Variants in TRANK1 observed in about 807,000 individuals in gnomAD.
TRANK1 encodes tetratricopeptide repeat and ankyrin repeat containing 1.
A neutral mutation model predicts 266.0 loss-of-function variants in TRANK1; 198 were observed. That is an observed-to-expected ratio of 0.74 (90% confidence interval 0.66 to 0.84). The LOEUF is 0.84. Among genes scored for constraint, TRANK1 ranks in the 40% least tolerant of loss-of-function variants. The pLI, the probability that TRANK1 is intolerant of heterozygous loss-of-function variation, is 0.00. For missense variants in TRANK1, 3,326 were observed against 3,634.6 expected, an observed-to-expected ratio of 0.92 and a Z score of 2.18; for synonymous variants, 1,396 against 1,384.1, an observed-to-expected ratio of 1.01 and a Z score of -0.19.
chr3:36,918,120 AG>A (rs1204035602), intron 1 of TRANK1, among the ~76,000 whole-genome samples: 5 of 152,222 alleles, frequency 3.3e-5, no homozygotes, highest in African/African-American at 9.6e-5. Flanking sequence ...ATGAACCTTC[AG>A]GGCATCATGC....
At position 36,832,561 on chromosome 3, in the gene TRANK1, G is replaced by A. The variant is rs759871827; in HGVS notation, c.7022C>T (p.Ser2341Phe). ...CTTTTCAAACTCCTCCGGGTAGTTG[G>A]AAGAGAGAAGGAAAGCTTGCATGGC... ...LSAMQAFLLSSNYPEEFEKLL... is the reference protein window; with the variant it reads ...LSAMQAFLLSFNYPEEFEKLL... Residue 2341 changes from serine (S) to phenylalanine (F), a missense_variant, in exon 22 of 24, where the codon TCC becomes TTC. Ser to Phe is a radical substitution (Grantham distance 155). Coordinates refer to ENST00000645898, the MANE Select transcript of TRANK1 (RefSeq NM_001329998.2). The A allele has an allele frequency of 2.5e-6, 4 of 1,613,902 alleles. No homozygotes were observed. The African/African-American group carries it at 5.3e-5, about 22-fold the overall frequency.
Position 36,892,994 on chromosome 3 carries a change from G to C in TRANK1, c.553-10C>G, listed in dbSNP as rs1370228938. On this transcript the variant is annotated splice_polypyrimidine_tract_variant and intron_variant, in intron 5 of 23. Transcript: ENST00000645898. ...ACAGAAGCAGAAATGACTGGTGGGA[G>C]AAGACAGAAAAGGCTGGAATAATAA... The C allele has an allele frequency of 1.4e-6, 2 of 1,477,058 alleles. No homozygotes were observed. Among genetic ancestry groups the C allele is most frequent in the Non-Finnish European group, 8.9e-7 (1 of 1,119,172 alleles). 91.5% of individuals were successfully genotyped at this position (1,477,058 alleles called of 1,614,324 possible).
chr3:36,852,449 C>T (rs1575203019), intron 13 of TRANK1, 104 bp from the exon 14 acceptor site: 1 of 1,086,166 alleles, frequency 9.2e-7, no homozygotes, highest in East Asian at 2.6e-5. Flanking sequence ...AGGTTTGGCC[C>T]CTACAGTATG....
intron 8 of TRANK1, among the ~76,000 whole-genome samples, chr3:36,883,546 A>G (rs962377744): frequency 8.1e-5 from 12 of 148,186 alleles, no homozygotes; most frequent in Admixed American, 2.0e-4. Context: ...AAAAAAAAAA[A>G]GGGAGCTATA....
rs1267365907 is a variant in TRANK1 at position 36,918,607 on chromosome 3, GA to G, written c.24-10154del. Among the ~76,000 whole-genome samples, 32 of 105,822 alleles carry G rather than the reference GA, an allele frequency of 3.0e-4. 1 individual carries two copies. Among genetic ancestry groups the G allele is most frequent in the African/African-American group, 8.5e-4 (23 of 27,216 alleles). The allele number at this position is 105,822 out of a possible 152,430, so 69.4% of individuals were successfully genotyped here. ...GGAAGGAAGGAAGGAAGGAAGGAAGGAAAGAAAGAAAGAAAGAAAGAAAGAA... is the reference window on the plus strand; with the variant it reads ...GGAAGGAAGGAAGGAAGGAAGGAAGGAAGAAAGAAAGAAAGAAAGAAAGAA... On this transcript the variant is annotated intron_variant, in intron 1 of 23. Transcript: ENST00000645898.
At chr3:36,892,837 CAAAACAAAACAAAACAT>C in intron 6 of TRANK1, 47 bp downstream of exon 6, 2 of 694,796 alleles carry the variant, frequency 2.9e-6, no homozygotes, top group Non-Finnish European at 3.7e-6. Flanking sequence ...CAAAACAAAA[CAAAACAAAACAAAACAT>C]ATATATATAT....
intron 8 of TRANK1, among the ~76,000 whole-genome samples, chr3:36,879,763 T>TATACAA (rs1559448593): frequency 1.6e-4 from 11 of 66,820 alleles, no homozygotes; most frequent in Non-Finnish European, 2.4e-4. Flanking sequence ...TATATATAAA[T>TATACAA]ATATATAAAT....
At chr3:36,913,584 TA>T (rs1034977913) in intron 1 of TRANK1, among the ~76,000 whole-genome samples, 3 of 152,106 alleles carry the variant, frequency 2.0e-5, no homozygotes, top group African/African-American at 7.2e-5. Flanking sequence ...CAGTCAAGGA[TA>T]AAAATCCAAA....
intron 8 of TRANK1, among the ~76,000 whole-genome samples, chr3:36,884,670 C>T (rs758859131): frequency 6.6e-6 from 1 of 152,142 alleles, no homozygotes; most frequent in Non-Finnish European, 1.5e-5. Context: ...TAGTGGCTCA[C>T]GCCTGTGATC....
chr3:36,833,088 T>C lies in TRANK1; in HGVS notation c.6495A>G (p.Lys2165=). Residue 2165 remains lysine (K), a synonymous_variant, in exon 22 of 24, where the codon AAA becomes AAG. Coordinates refer to ENST00000645898, the MANE Select transcript of TRANK1 (RefSeq NM_001329998.2). ...CCAAAAGGTGTTTGTTTAGGGCTAA[T>C]TTCACTTGGTCAGTCATTATCAAAA... is the stretch of plus-strand genomic sequence containing the variant. The part of the protein sequence containing the change: ...DHFLIMTDQV[K]LALNKHLLGR... 1 of 1,612,800 alleles carries C rather than the reference T, an allele frequency of 6.2e-7. No individual in the cohort carries two copies. Among genetic ancestry groups the C allele is most frequent in the Non-Finnish European group, 8.5e-7 (1 of 1,179,280 alleles).
intron 6 of TRANK1, 65 bp from the exon 7 acceptor site, chr3:36,892,405 C>T: frequency 6.6e-7 from 1 of 1,516,830 alleles, no homozygotes; most frequent in South Asian, 1.2e-5. Context: ...CTTCAAACTC[C>T]TTTACCCATA....
intron 12 of TRANK1, 117 bp downstream of exon 12, chr3:36,858,601 A>C (rs2079091419): frequency 1.6e-6 from 2 of 1,250,600 alleles, no homozygotes; most frequent in African/African-American, 3.0e-5. Flanking sequence ...CTGGCCAAGA[A>C]ATGGGCCTTT....
chr3:36,928,614 C>T (rs2080320770), intron 1 of TRANK1, among the ~76,000 whole-genome samples: 1 of 148,010 alleles, frequency 6.8e-6, no homozygotes, highest in Non-Finnish European at 1.5e-5. Flanking sequence ...TAACTTGTAT[C>T]TCTGTGACCT....
At chr3:36,903,920 T>C (rs150490171) in intron 2 of TRANK1, among the ~76,000 whole-genome samples, 37 of 152,324 alleles carry the variant, frequency 2.4e-4, no homozygotes, top group African/African-American at 7.7e-4. Flanking sequence ...CAATGGAATA[T>C]AAGACACACA....
At chr3:36,877,693 T>C (rs1289335153) in intron 8 of TRANK1, among the ~76,000 whole-genome samples, 1 of 152,220 alleles carries the variant, frequency 6.6e-6, no homozygotes, top group East Asian at 1.9e-4. Context: ...TACATTTATA[T>C]TTAAAAGGGA....
intron 15 of TRANK1, among the ~76,000 whole-genome samples, chr3:36,848,294 T>C (rs977427436): frequency 1.3e-5 from 2 of 152,146 alleles, no homozygotes; most frequent in African/African-American, 4.8e-5. Flanking sequence ...CATTTAAAAA[T>C]GTGAAAATCC....
At chr3:36,839,943 G>A (rs2078820932) in intron 18 of TRANK1, among the ~76,000 whole-genome samples, 2 of 152,200 alleles carry the variant, frequency 1.3e-5, no homozygotes, top group Admixed American at 1.3e-4. Flanking sequence ...TAAACCACCT[G>A]AGTCCTGAAG....
chr3:36,867,547 G>C (rs1335252034), intron 9 of TRANK1, among the ~76,000 whole-genome samples: 1 of 152,140 alleles, frequency 6.6e-6, no homozygotes, highest in Non-Finnish European at 1.5e-5. Context: ...GAGGGCTGTG[G>C]GTGACTTGTT....
chr3:36,863,470 A>G (rs2125556349), intron 10 of TRANK1, among the ~76,000 whole-genome samples: 1 of 152,306 alleles, frequency 6.6e-6, no homozygotes, highest in African/African-American at 2.4e-5. Context: ...CCCATCCTAG[A>G]GTGTGTGTAA....
Sources: gnomAD v4.1 joint callset for allele counts (sites outside exome capture counted in the v4.1 genomes callset) on GRCh38, gnomAD v4.1.1 for gene constraint, MANE v1.5 for transcripts, NCBI Gene and HGNC (gene_info 2026-07-23, HGNC 2026-07-21) for gene names.